The following PLEKHA7 variants were observed in gnomAD, a reference collection of about 807,000 sequenced individuals.
PLEKHA7 encodes pleckstrin homology domain containing A7, also known as pleckstrin homology domain-containing family A member 7.
In PLEKHA7, 104 loss-of-function variants were observed where a neutral mutation model predicts 170.0. The ratio of observed to expected loss-of-function variants is 0.61; its 90% CI spans 0.52 to 0.72. PLEKHA7 has a LOEUF of 0.72. PLEKHA7 is among the 30% of genes least tolerant of loss of function. The pLI, the probability that PLEKHA7 is intolerant of heterozygous loss-of-function variation, is 0.00. For missense variants in PLEKHA7, 1,615 were observed against 1,671.7 expected, an observed-to-expected ratio of 0.97 and a Z score of 0.59; for synonymous variants, 648 against 660.8, an observed-to-expected ratio of 0.98 and a Z score of 0.30.
Position 16,791,426 on chromosome 11 carries a change from A to G in PLEKHA7, c.2746-227T>C. 1 of 619,304 alleles carries G rather than the reference A, an allele frequency of 1.6e-6. No homozygotes were observed. The allele number at this position is 619,304 out of a possible 1,614,324, so 38.4% of individuals were successfully genotyped here. A position where few individuals can be genotyped will look rare whatever the true frequency, so the allele number is the denominator to read the frequency against. Reference sequence around the variant, plus strand: ...GAGGTATACAGTTTCTATTCCTCCAAGTGTTACCTGTATAACTGTGTCCTG... The same window carrying G: ...GAGGTATACAGTTTCTATTCCTCCAGGTGTTACCTGTATAACTGTGTCCTG... On this transcript the variant is annotated intron_variant, in intron 19 of 26. Coordinates refer to ENST00000531066, the MANE Select transcript of PLEKHA7 (RefSeq NM_001329630.2). This position sits in a 1 kb window ranked among gnomAD's most constrained non-coding sequence, Gnocchi z 4.5.
intron 9 of PLEKHA7, among the ~76,000 whole-genome samples, chr11:16,833,065 C>G (rs1486718964): frequency 1.3e-5 from 2 of 152,164 alleles, no homozygotes; most frequent in African/African-American, 4.8e-5. Flanking sequence ...AAGGAGATAG[C>G]CAGGGAGAAA....
At chr11:16,986,981 G>C (rs1863765394) in intron 3 of PLEKHA7, among the ~76,000 whole-genome samples, 1 of 152,204 alleles carries the variant, frequency 6.6e-6, no homozygotes, top group African/African-American at 2.4e-5. Flanking sequence ...TCTCCAGCCA[G>C]TCTTACTGCC....
chr11:16,937,615 CT>C (rs199658017), intron 3 of PLEKHA7, among the ~76,000 whole-genome samples: 103 of 144,850 alleles, frequency 7.1e-4, no homozygotes, highest in Middle Eastern at 3.5e-3. Context: ...TTTTTCTTTT[CT>C]TTTTTTTTTT....
chr11:16,939,973 G>C (rs1158921264), intron 3 of PLEKHA7, among the ~76,000 whole-genome samples: 1 of 152,156 alleles, frequency 6.6e-6, no homozygotes, highest in Admixed American at 6.5e-5. Context: ...CATAGGAAGT[G>C]AGTAAGAAAC....
intron 3 of PLEKHA7, among the ~76,000 whole-genome samples, chr11:16,969,359 A>G (rs1862571441): frequency 6.6e-6 from 1 of 152,210 alleles, no homozygotes; most frequent in Non-Finnish European, 1.5e-5. Flanking sequence ...GCAGTTTAAG[A>G]GGAGAGAGAG....
At chr11:16,968,726 C>G (rs1474209984) in intron 3 of PLEKHA7, among the ~76,000 whole-genome samples, 1 of 152,180 alleles carries the variant, frequency 6.6e-6, no homozygotes, top group Admixed American at 6.5e-5. Flanking sequence ...ACTCCCCCAC[C>G]ACCAACAGCG....
intron 9 of PLEKHA7, among the ~76,000 whole-genome samples, chr11:16,834,581 G>GA (rs1851364095): frequency 6.6e-6 from 1 of 152,154 alleles, no homozygotes; most frequent in African/African-American, 2.4e-5. Flanking sequence ...AGGAAATTGA[G>GA]AAAAAAGATG....
At chr11:16,870,415 G>A (rs988839644) in intron 4 of PLEKHA7, among the ~76,000 whole-genome samples, 1 of 152,020 alleles carries the variant, frequency 6.6e-6, no homozygotes, top group African/African-American at 2.4e-5. Flanking sequence ...GATTGCTTCA[G>A]CTCAGGAGTT....
chr11:16,980,533 G>A (rs888512112), intron 3 of PLEKHA7, among the ~76,000 whole-genome samples: 7 of 152,218 alleles, frequency 4.6e-5, no homozygotes, highest in Admixed American at 2.6e-4. Flanking sequence ...AAGGCATGGC[G>A]GATGAAAGCA....
chr11:16,926,385 A>G (rs1859546094), intron 3 of PLEKHA7, among the ~76,000 whole-genome samples: 1 of 152,198 alleles, frequency 6.6e-6, no homozygotes, highest in African/African-American at 2.4e-5. Flanking sequence ...AGCAGCCCAC[A>G]CACACTTCTA....
At chr11:16,814,447 C>T (rs1208192998) in intron 12 of PLEKHA7, among the ~76,000 whole-genome samples, 1 of 152,190 alleles carries the variant, frequency 6.6e-6, no homozygotes, top group African/African-American at 2.4e-5. Flanking sequence ...GTTGGCTGAA[C>T]CTATTTTTGC....
At chr11:16,999,379 T>C (rs2137026112) in intron 3 of PLEKHA7, among the ~76,000 whole-genome samples, 1 of 152,126 alleles carries the variant, frequency 6.6e-6, no homozygotes, top group East Asian at 1.9e-4. Flanking sequence ...GGTTCCAAGA[T>C]GTGGAGCTGC....
intron 3 of PLEKHA7, among the ~76,000 whole-genome samples, chr11:16,987,603 G>A (rs1386642817): frequency 6.6e-6 from 1 of 152,118 alleles, no homozygotes; most frequent in Admixed American, 6.5e-5. Context: ...GAAATGAAGG[G>A]AATGTAAAAC....
At chr11:17,010,327 G>C (rs946850532) in intron 3 of PLEKHA7, among the ~76,000 whole-genome samples, 1 of 152,050 alleles carries the variant, frequency 6.6e-6, no homozygotes, top group African/African-American at 2.4e-5. Flanking sequence ...AGAGGCAGAG[G>C]TTGCAGTGAG....
chr11:16,925,684 C>G (rs1179039150), intron 3 of PLEKHA7, among the ~76,000 whole-genome samples: 1 of 152,204 alleles, frequency 6.6e-6, no homozygotes, highest in African/African-American at 2.4e-5. Context: ...CCTCAGCTCG[C>G]CCGCGGCGCA....
intron 3 of PLEKHA7, among the ~76,000 whole-genome samples, chr11:16,893,802 CA>C (rs1856829695): frequency 6.6e-6 from 1 of 152,164 alleles, no homozygotes; most frequent in African/African-American, 2.4e-5. Context: ...CAGCAGTGCC[CA>C]AAGCCCAAGG....
At chr11:16,961,355 C>T (rs898023362) in intron 3 of PLEKHA7, among the ~76,000 whole-genome samples, 1 of 152,254 alleles carries the variant, frequency 6.6e-6, no homozygotes, top group Non-Finnish European at 1.5e-5. Flanking sequence ...CTATGCTCAG[C>T]TCATCGGAGA....
At chr11:16,975,101 T>TA in intron 3 of PLEKHA7, 1 of 566,776 alleles carries the variant, frequency 1.8e-6, no homozygotes, top group Non-Finnish European at 2.5e-6. Context: ...TTTCATCACA[T>TA]GCATACATTC....
chr11:16,906,480 C>G (rs1451132417), intron 3 of PLEKHA7, among the ~76,000 whole-genome samples: 1 of 141,420 alleles, frequency 7.1e-6, no homozygotes, highest in Non-Finnish European at 1.5e-5. Context: ...GCCGCCATGC[C>G]TGACTGGTTT....
Sources: allele counts gnomAD v4.1 joint callset (sites outside exome capture counted in the v4.1 genomes callset), GRCh38; gene constraint gnomAD v4.1.1; non-coding constraint Gnocchi (gnomAD v3.1); transcripts MANE v1.5; gene names NCBI Gene and HGNC (gene_info 2026-07-23, HGNC 2026-07-21).